Variants in SGSM1 observed in about 807,000 individuals in gnomAD.
SGSM1 encodes the protein RUN and TBC1 domain containing 2.
SGSM1 carries 73 observed loss-of-function variants against 133.8 expected under a neutral mutation model. The observed-to-expected ratio is 0.55, with a 90% CI of 0.45 to 0.66. The LOEUF is 0.66. Among genes scored for constraint, SGSM1 ranks in the 30% least tolerant of loss-of-function variants. The probability of loss-of-function intolerance (pLI) is 0.00; values close to 1 mark genes in which losing one functional copy is unlikely to be tolerated. For missense variants in SGSM1, 1,213 were observed against 1,448.1 expected (o/e 0.84, Z 2.64); for synonymous variants, 563 against 573.0 (o/e 0.98, Z 0.25).
intron 19 of SGSM1, among the ~76,000 whole-genome samples, chr22:24,898,818 A>G (rs1039074855): frequency 8.6e-5 from 13 of 152,028 alleles, no homozygotes; most frequent in East Asian, 3.9e-4. Context: ...ACGAAGTCAG[A>G]AGATCGAGAC....
intron 2 of SGSM1, among the ~76,000 whole-genome samples, chr22:24,807,410 G>A (rs1336211723): frequency 6.6e-6 from 1 of 152,010 alleles, no homozygotes; most frequent in African/African-American, 2.4e-5. Flanking sequence ...TTTTGTGAGG[G>A]TGGGTCTGTG....
In SGSM1 at chr22:24,859,762, C is replaced by G; in HGVS notation, c.848C>G (p.Thr283Arg). Residue 283 changes from threonine (T) to arginine (R), a missense_variant, in exon 9 of 25, where the codon ACG becomes AGG. Coordinates refer to ENST00000400358, the MANE Select transcript of SGSM1 (RefSeq NM_001098497.3). ...CCAGGGTACCTGTCCCTGCACCAGACGGCTGACGTCATGACCTTGAAGTGG... is the reference window on the plus strand; with the variant it reads ...CCAGGGTACCTGTCCCTGCACCAGAGGGCTGACGTCATGACCTTGAAGTGG... ...AVPGYLSLHQ[T>R]ADVMTLKWTP... The G allele has an allele frequency of 6.2e-7, 1 of 1,613,946 alleles. No individual in the cohort carries two copies.
At chr22:24,827,982 G>A (rs1450892301) in intron 2 of SGSM1, among the ~76,000 whole-genome samples, 5 of 152,006 alleles carry the variant, frequency 3.3e-5, no homozygotes, top group African/African-American at 1.2e-4. Context: ...GCTGGGGAGG[G>A]ATAAAAGCCT....
intron 5 of SGSM1, among the ~76,000 whole-genome samples, chr22:24,851,443 G>T (rs866648603): frequency 2.4e-5 from 3 of 123,882 alleles, no homozygotes; most frequent in Non-Finnish European, 4.9e-5. Context: ...GGAGGGGGGG[G>T]TGGGGGGAGA....
chr22:24,924,142 G>T, intron 24 of SGSM1, 44 bp from the exon 25 acceptor site: 2 of 1,580,882 alleles, frequency 1.3e-6, no homozygotes, highest in South Asian at 2.2e-5. Context: ...CCTAAGACTG[G>T]ACACAGAAGG....
chr22:24,853,170 A>C (rs180829358), intron 5 of SGSM1, among the ~76,000 whole-genome samples: 6 of 152,314 alleles, frequency 3.9e-5, no homozygotes, highest in Admixed American at 3.9e-4. Flanking sequence ...ACAGCAAGGC[A>C]GGGAGAGGCA....
At chr22:24,849,272 G>A (rs1209552514) in intron 4 of SGSM1, among the ~76,000 whole-genome samples, 2 of 151,188 alleles carry the variant, frequency 1.3e-5, no homozygotes, top group Non-Finnish European at 2.9e-5. Context: ...AATGAGTTGC[G>A]GCCAGGTGCG....
At chr22:24,924,129 T>C (rs1266923848) in intron 24 of SGSM1, 57 bp from the exon 25 acceptor site, 1 of 1,542,940 alleles carries the variant, frequency 6.5e-7, no homozygotes, top group Non-Finnish European at 8.9e-7. Context: ...GCTGGAATTG[T>C]ACCCTAAGAC....
intron 4 of SGSM1, among the ~76,000 whole-genome samples, chr22:24,848,558 C>G (rs919401564): frequency 1.3e-5 from 2 of 152,190 alleles, no homozygotes; most frequent in African/African-American, 4.8e-5. Context: ...TCAGCCAGAG[C>G]CACTCCCTGG....
rs1229397433 is a variant in SGSM1 at position 24,925,534 on chromosome 22, G to A, written c.*1260G>A. ...CGGTGGACCCAAAAAGTGTAGGCAT[G>A]AGACGGTCAGAGCTCTTTGGGGTCC... On this transcript the variant is annotated 3_prime_UTR_variant, in exon 25 of 25. Transcript: ENST00000400358. 1 of 152,166 alleles carries A rather than the reference G, an allele frequency of 6.6e-6. No homozygotes were observed. The highest frequency in any genetic ancestry group is 2.4e-5 in the African/African-American group (1 of 41,432). The allele number at this position is 152,166 out of a possible 1,614,324, so 9.4% of individuals were successfully genotyped here. A position where few individuals can be genotyped will look rare whatever the true frequency, so the allele number is the denominator to read the frequency against.
At chr22:24,814,929 T>A (rs1346171555) in intron 2 of SGSM1, among the ~76,000 whole-genome samples, 2 of 152,202 alleles carry the variant, frequency 1.3e-5, no homozygotes, top group African/African-American at 2.4e-5. Flanking sequence ...TGGCTGCCCA[T>A]CAGCTCCTGG....
chr22:24,806,396 C>T, intron 1 of SGSM1, 45 bp from the exon 2 acceptor site: 1 of 1,513,190 alleles, frequency 6.6e-7, no homozygotes, highest in Non-Finnish European at 8.8e-7. Flanking sequence ...CCGGCCCCCG[C>T]ACCCTCTCTC....
intron 20 of SGSM1, among the ~76,000 whole-genome samples, chr22:24,903,197 A>G (rs1261455225): frequency 2.0e-5 from 3 of 152,048 alleles, no homozygotes; most frequent in Non-Finnish European, 4.4e-5. Context: ...GTATAACATA[A>G]TATGAATGTA....
Position 24,876,591 on chromosome 22 carries a change from A to G in SGSM1, c.1306A>G (p.Met436Val). The change falls in exon 13 of 25, where the codon ATG becomes GTG. Residue 436 changes from methionine (M) to valine (V), a missense_variant. By Grantham distance (21) the Met-to-Val change is conservative (BLOSUM62 1). Coordinates refer to ENST00000400358, the MANE Select transcript of SGSM1 (RefSeq NM_001098497.3). ...ATCCACCACAGTGCCCCAGGATCTG[A>G]TGGACGTCTCTGTAAGCAACCTCCC... ...MQSEFVPQDLMDVSVSNLPSL... is the reference protein window; with the variant it reads ...MQSEFVPQDLVDVSVSNLPSL... 2 of 1,613,916 alleles carry G rather than the reference A, an allele frequency of 1.2e-6. No homozygotes were observed. The highest frequency in any genetic ancestry group is 1.7e-6 in the Non-Finnish European group (2 of 1,179,868).
chr22:24,911,289 CTTT>C (rs139761), intron 21 of SGSM1, among the ~76,000 whole-genome samples: 43,530 of 128,280 alleles, frequency 0.34, 7,021 homozygotes, highest in East Asian at 0.53. Flanking sequence ...TAATTCCCCA[CTTT>C]TTTTTTTTTT....
At chr22:24,918,438 G>A (rs1310324279) in intron 23 of SGSM1, among the ~76,000 whole-genome samples, 1 of 150,878 alleles carries the variant, frequency 6.6e-6, no homozygotes, top group Non-Finnish European at 1.5e-5. Context: ...GGAGGTTGCA[G>A]TGAGCCGAGA....
At chr22:24,857,534 G>A (rs1930878302) in intron 8 of SGSM1, among the ~76,000 whole-genome samples, 1 of 152,088 alleles carries the variant, frequency 6.6e-6, no homozygotes, top group East Asian at 1.9e-4. Context: ...TTACGTGGAT[G>A]TAGTTTTGTT....
chr22:24,890,169 G>C (rs544136247), intron 16 of SGSM1, among the ~76,000 whole-genome samples: 3 of 151,400 alleles, frequency 2.0e-5, no homozygotes, highest in African/African-American at 7.3e-5. Flanking sequence ...TGTTAGATAG[G>C]ATGGTCTCGA....
chr22:24,912,845 G>A, intron 22 of SGSM1, 93 bp downstream of exon 22: 1 of 770,198 alleles, frequency 1.3e-6, no homozygotes, highest in Non-Finnish European at 2.2e-6. Flanking sequence ...GAGCCCACCT[G>A]GATTGGAATC....
Sources: gnomAD v4.1 joint callset for allele counts (sites outside exome capture counted in the v4.1 genomes callset) on GRCh38, gnomAD v4.1.1 for gene constraint, MANE v1.5 for transcripts, NCBI Gene and HGNC (gene_info 2026-07-23, HGNC 2026-07-21) for gene names.